Variants in PPARGC1B observed in about 807,000 individuals in gnomAD.
PPARGC1B encodes the protein PPARG coactivator 1 beta.
In PPARGC1B, 34 loss-of-function variants were observed where a neutral mutation model predicts 101.6. The ratio of observed to expected loss-of-function variants is 0.33; its 90% CI spans 0.25 to 0.45. PPARGC1B has a LOEUF of 0.45. Among genes scored for constraint, PPARGC1B ranks in the 20% least tolerant of loss-of-function variants. PPARGC1B has a pLI of 1.00. For missense variants in PPARGC1B, 1,234 were observed against 1,317.6 expected (o/e 0.94, Z 0.98); for synonymous variants, 548 against 539.3 (o/e 1.02, Z -0.22).
At chr5:149,829,305 G>C (rs1029144650) in intron 3 of PPARGC1B, among the ~76,000 whole-genome samples, 2 of 152,128 alleles carry the variant, frequency 1.3e-5, no homozygotes, top group Non-Finnish European at 2.9e-5. Context: ...ACAGTGCACC[G>C]GGCCTGAGCC....
chr5:149,819,815 G>A (rs972693474), intron 1 of PPARGC1B, among the ~76,000 whole-genome samples: 1 of 152,152 alleles, frequency 6.6e-6, no homozygotes, highest in Non-Finnish European at 1.5e-5. Flanking sequence ...TGATACGGGT[G>A]TTTTATGGCT....
At chr5:149,772,093 G>A (rs1181778449) in intron 1 of PPARGC1B, 1 of 1,581,630 alleles carries the variant, frequency 6.3e-7, no homozygotes, top group Non-Finnish European at 8.6e-7. Context: ...TCTGATCTGG[G>A]TTGGGGCTGC....
At chr5:149,752,566 C>T (rs1484082266) in intron 1 of PPARGC1B, among the ~76,000 whole-genome samples, 2 of 152,148 alleles carry the variant, frequency 1.3e-5, no homozygotes, top group Admixed American at 1.3e-4. Flanking sequence ...TGGCGGCTCA[C>T]GCCTGTAATC....
chr5:149,822,348 G>A (rs1459115826), intron 2 of PPARGC1B, among the ~76,000 whole-genome samples: 1 of 152,196 alleles, frequency 6.6e-6, no homozygotes, highest in Admixed American at 6.5e-5. Context: ...CTGCAAGGAA[G>A]ACAGTCCTCA....
chr5:149,831,953 CTA>C (rs1208421852), intron 4 of PPARGC1B, among the ~76,000 whole-genome samples: 2 of 152,186 alleles, frequency 1.3e-5, no homozygotes, highest in African/African-American at 4.8e-5. Context: ...GTAAACAATT[CTA>C]TGACTTTTAG....
intron 1 of PPARGC1B, among the ~76,000 whole-genome samples, chr5:149,760,972 C>T (rs1030826262): frequency 6.6e-6 from 1 of 152,174 alleles, no homozygotes; most frequent in African/African-American, 2.4e-5. Flanking sequence ...ATTAAAGCAG[C>T]GCAGGGCATC....
intron 1 of PPARGC1B, among the ~76,000 whole-genome samples, chr5:149,787,348 G>A (rs900423588): frequency 7.9e-5 from 12 of 152,200 alleles, no homozygotes; most frequent in African/African-American, 2.9e-4. Flanking sequence ...ACTGACCCAC[G>A]AGAGCTGGGC....
chr5:149,779,191 A>G (rs911191602), intron 1 of PPARGC1B, among the ~76,000 whole-genome samples: 3 of 152,212 alleles, frequency 2.0e-5, no homozygotes, highest in Non-Finnish European at 4.4e-5. Flanking sequence ...GGTCTCTGCT[A>G]CAGCCTGGCT....
At chr5:149,826,452 A>G (rs1758523810) in intron 2 of PPARGC1B, among the ~76,000 whole-genome samples, 1 of 152,172 alleles carries the variant, frequency 6.6e-6, no homozygotes, top group South Asian at 2.1e-4. Context: ...TGTTCATAAA[A>G]TTCTGGGATT....
intron 10 of PPARGC1B, 31 bp from the exon 11 acceptor site, chr5:149,845,729 A>T: frequency 6.4e-7 from 1 of 1,571,876 alleles, no homozygotes. Flanking sequence ...AGCCAGCCCA[A>T]TAACATACTC....
chr5:149,779,981 T>C (rs1315658168), intron 1 of PPARGC1B, among the ~76,000 whole-genome samples: 1 of 152,188 alleles, frequency 6.6e-6, no homozygotes, highest in Non-Finnish European at 1.5e-5. Flanking sequence ...TAATACCCTC[T>C]GGCTGGCAGC....
chr5:149,796,222 G>A (rs529547683), intron 1 of PPARGC1B, among the ~76,000 whole-genome samples: 36 of 152,160 alleles, frequency 2.4e-4, no homozygotes, highest in African/African-American at 8.4e-4. Context: ...CGGTGGAGTA[G>A]GGGGGGCCTG....
In PPARGC1B at chr5:149,826,708, C is replaced by T; in HGVS notation, c.288C>T (p.Leu96=). 2 of 1,614,120 alleles carry T rather than the reference C, an allele frequency of 1.2e-6. No homozygotes were observed. The highest frequency in any genetic ancestry group is 1.7e-6 in the Non-Finnish European group (2 of 1,180,016). ...DSENEALLAE[L]TKTLDDIPED... Reference sequence around the variant, plus strand: ...AGAATGAGGCCCTCCTGGCAGAGCTCACCAAGACCCTGGATGACATCCCTG... The same window carrying T: ...AGAATGAGGCCCTCCTGGCAGAGCTTACCAAGACCCTGGATGACATCCCTG... The change falls in exon 3 of 12, where the codon CTC becomes CTT. Residue 96 remains leucine (L), a synonymous_variant. Transcript: ENST00000309241.
At chr5:149,836,240 C>A (rs2113415534) in intron 7 of PPARGC1B, 23 bp from the exon 8 acceptor site, 3 of 1,522,232 alleles carry the variant, frequency 2.0e-6, no homozygotes, top group Non-Finnish European at 2.6e-6. Context: ...CTTTATCTTA[C>A]CTTTCTCCTC....
intron 4 of PPARGC1B, among the ~76,000 whole-genome samples, 170 bp downstream of exon 4, chr5:149,831,053 A>G (rs548446829): frequency 6.6e-6 from 1 of 152,254 alleles, no homozygotes; most frequent in East Asian, 1.9e-4. Flanking sequence ...AGCCTAGTTT[A>G]GGGTTTTCTG....
At chr5:149,734,231 A>G (rs967461320) in intron 1 of PPARGC1B, among the ~76,000 whole-genome samples, 4 of 144,024 alleles carry the variant, frequency 2.8e-5, no homozygotes, top group Admixed American at 2.8e-4. Flanking sequence ...CTGAGGCAGG[A>G]GAATCGCTTG....
intron 1 of PPARGC1B, among the ~76,000 whole-genome samples, chr5:149,746,566 C>T (rs1280820975): frequency 2.0e-5 from 3 of 152,172 alleles, no homozygotes; most frequent in African/African-American, 7.2e-5. Context: ...AACATGGGTG[C>T]ACAAATATCT....
chr5:149,745,579 G>A (rs1481490889), intron 1 of PPARGC1B, among the ~76,000 whole-genome samples: 1 of 152,106 alleles, frequency 6.6e-6, no homozygotes, highest in Non-Finnish European at 1.5e-5. Context: ...TGGGGTACAG[G>A]CTAGCATTTA....
intron 1 of PPARGC1B, among the ~76,000 whole-genome samples, chr5:149,777,922 TCACACACACACACACACA>T (rs58159275): frequency 1.7e-4 from 2 of 11,602 alleles, no homozygotes; most frequent in South Asian, 5.0e-3. Flanking sequence ...CCATGTAGCA[TCACACACACACACACACA>T]CACACACACA....
Sources: gnomAD v4.1 joint callset for allele counts (sites outside exome capture counted in the v4.1 genomes callset) on GRCh38, gnomAD v4.1.1 for gene constraint, MANE v1.5 for transcripts, NCBI Gene and HGNC (gene_info 2026-07-23, HGNC 2026-07-21) for gene names.